Variants in CHPF observed in about 807,000 individuals in gnomAD.
CHPF encodes chondroitin polymerizing factor, non-catalytic subunit.
In CHPF, 34 loss-of-function variants were observed where a neutral mutation model predicts 55.1. The ratio of observed to expected loss-of-function variants is 0.62; its 90% CI spans 0.47 to 0.82. The LOEUF (loss-of-function observed/expected upper bound fraction) is 0.82, where lower values mean the gene tolerates loss of function less well. Ranked by LOEUF, CHPF falls within the 40% of genes least tolerant of loss-of-function variation. The probability of loss-of-function intolerance (pLI) is 0.00; values close to 1 mark genes in which losing one functional copy is unlikely to be tolerated. For missense variants in CHPF, 961 were observed against 1,106.1 expected (o/e 0.87, Z 1.86); for synonymous variants, 489 against 496.6 (o/e 0.98, Z 0.20).
chr2:219,539,608 C>T lies in CHPF; in HGVS notation c.2103G>A (p.Leu701=). The change falls in exon 4 of 4, where the codon CTG becomes CTA. Residue 701 remains leucine (L), a synonymous_variant. Coordinates refer to ENST00000243776, the MANE Select transcript of CHPF (RefSeq NM_024536.6). ...GCTCGTACACATCCAGGCTCTCCAG[C>T]AGCTCCTCTTCTTGTTCTGAGGCTG... The part of the protein sequence containing the change: ...LAAASEQEEE[L]LESLDVYELF... 6.2e-7 allele frequency: 1 copy of T among 1,613,940 alleles called. No homozygotes were observed.
intron 1 of CHPF, among the ~76,000 whole-genome samples, chr2:219,542,535 A>C (rs1272864915): frequency 6.6e-6 from 1 of 152,234 alleles, no homozygotes; most frequent in Non-Finnish European, 1.5e-5. Context: ...TAAAGCACCC[A>C]GCCAAACGCT....
Position 219,539,441 on chromosome 2 carries a change from C to T in CHPF, c.2270G>A (p.Gly757Asp). 1 of 1,612,300 alleles carries T rather than the reference C, an allele frequency of 6.2e-7. No homozygotes were observed. Among genetic ancestry groups the T allele is most frequent in the East Asian group, 2.2e-5 (1 of 44,826 alleles). ...RCLQSVLEGLGSRTQLAMLLF... is the reference protein window; with the variant it reads ...RCLQSVLEGLDSRTQLAMLLF... ...TAGCATGGCCAGCTGGGTTCGGGAG[C>T]CGAGGCCCTCAAGCACGCTCTGGAG... Residue 757 changes from glycine (G) to aspartate (D), a missense_variant, in exon 4 of 4, where the codon GGC (glycine) becomes GAC (aspartate). Around this residue, in one of 3 missense-constraint regions of CHPF, gnomAD observed 936 missense variants for 1,058.4 expected, o/e 0.88. Coordinates refer to ENST00000243776, the MANE Select transcript of CHPF (RefSeq NM_024536.6).
In CHPF at chr2:219,539,770, G is replaced by A. The variant is rs780460215; in HGVS notation, c.1941C>T (p.Phe647=). ...CTTGTGGTGGGGCCACAGCTGGGTG[G>A]AAGGCTTGGAAATGCATGGGAAAGA... The part of the protein sequence containing the change: ...QAFFPMHFQA[F]HPAVAPPQGP... The change falls in exon 4 of 4, where the codon TTC becomes TTT. Residue 647 remains phenylalanine, a synonymous_variant. Coordinates refer to ENST00000243776, the MANE Select transcript of CHPF (RefSeq NM_024536.6). 9.3e-6 allele frequency: 15 copies of A among 1,613,384 alleles called. No homozygotes were observed. The Admixed American group carries it at 1.2e-4, about 13-fold the overall frequency.
intron 1 of CHPF, among the ~76,000 whole-genome samples, chr2:219,542,543 G>A (rs1307647685): frequency 6.6e-6 from 1 of 152,174 alleles, no homozygotes; most frequent in Non-Finnish European, 1.5e-5. Flanking sequence ...CCAGCCAAAC[G>A]CTGGACACAC....
intron 3 of CHPF, 55 bp downstream of exon 3, chr2:219,540,889 CTG>C (rs751446539): frequency 2.6e-5 from 42 of 1,586,730 alleles, no homozygotes; most frequent in Non-Finnish European, 3.4e-6. Flanking sequence ...TCTGGGCTCT[CTG>C]TGACTTCTCA....
chr2:219,542,905 A>G (rs1695307812), intron 1 of CHPF: 1 of 1,153,540 alleles, frequency 8.7e-7, no homozygotes, highest in Non-Finnish European at 1.1e-6. Context: ...CTGTCTCTAT[A>G]CACTCACCCT....
In CHPF at chr2:219,540,649, C is replaced by T; in HGVS notation, c.1069-7G>A. On this transcript the variant is annotated splice_polypyrimidine_tract_variant and splice_region_variant and intron_variant, in intron 3 of 3. Coordinates refer to ENST00000243776, the MANE Select transcript of CHPF (RefSeq NM_024536.6). ...TGGTATTCTGGATCTCCCACTGGATCAGAGAAACAGGCCATCAGCAAGGGA... is the reference window on the plus strand; with the variant it reads ...TGGTATTCTGGATCTCCCACTGGATTAGAGAAACAGGCCATCAGCAAGGGA... 6.3e-7 allele frequency: 1 copy of T among 1,581,936 alleles called. No homozygotes were observed. The highest frequency in any genetic ancestry group is 8.6e-7 in the Non-Finnish European group (1 of 1,165,134).
chr2:219,543,645 C>A lies in CHPF; in HGVS notation c.-107G>T. 1 of 861,660 alleles carries A rather than the reference C, an allele frequency of 1.2e-6. No individual in the cohort carries two copies. The highest frequency in any genetic ancestry group is 1.6e-6 in the Non-Finnish European group (1 of 636,218). The allele number at this position is 861,660 out of a possible 1,614,324, so 53.4% of individuals were successfully genotyped here. A position where few individuals can be genotyped will look rare whatever the true frequency, so the allele number is the denominator to read the frequency against. On this transcript the variant is annotated 5_prime_UTR_variant, in exon 1 of 4. Coordinates refer to ENST00000243776, the MANE Select transcript of CHPF (RefSeq NM_024536.6). ...GGGCGGATCCGGAGGGCTCGGGCCC[C>A]GCGGGCGGGCCCGCTCCCTCCCCGC...
chr2:219,542,571 C>T (rs1303725052), intron 1 of CHPF, among the ~76,000 whole-genome samples: 1 of 152,168 alleles, frequency 6.6e-6, no homozygotes, highest in Non-Finnish European at 1.5e-5. Flanking sequence ...CTACTCATTT[C>T]TATATAAATA....
intron 1 of CHPF, among the ~76,000 whole-genome samples, 185 bp from the exon 2 acceptor site, chr2:219,542,374 G>A (rs1458337551): frequency 6.6e-6 from 1 of 152,160 alleles, no homozygotes; most frequent in African/African-American, 2.4e-5. Context: ...TCTTAAACAG[G>A]TAGTGCTTTG....
rs781445929 is a variant in CHPF, at chr2:219,540,391, G to A, written c.1320C>T (p.Ala440=). 7 of 1,614,092 alleles carry A rather than the reference G, an allele frequency of 4.3e-6. No homozygotes were observed. Among genetic ancestry groups the A allele is most frequent in the Non-Finnish European group, 5.1e-6 (6 of 1,180,008 alleles). Residue 440 remains alanine, a synonymous_variant, in exon 4 of 4, where the codon GCC becomes GCT. Transcript: ENST00000243776. ...CCAGCTGCTGCTTCTGGAGCCGCAAGGCCGGGTGGTAGCGGCGGTTCAGCT... is the reference window on the plus strand; with the variant it reads ...CCAGCTGCTGCTTCTGGAGCCGCAAAGCCGGGTGGTAGCGGCGGTTCAGCT... ...LEELNRRYHP[A]LRLQKQQLVN...
At chr2:219,543,144 G>A in intron 1 of CHPF, 81 bp downstream of exon 1, 3 of 1,373,518 alleles carry the variant, frequency 2.2e-6, no homozygotes, top group African/African-American at 1.5e-5. Context: ...TCCTTCCGGA[G>A]CCTGACCCGG....
Position 219,541,791 on chromosome 2 carries a change from G to C in CHPF, c.713C>G (p.Thr238Ser), listed in dbSNP as rs764887330. 6.2e-7 allele frequency: 1 copy of C among 1,607,216 alleles called. No homozygotes were observed. Among genetic ancestry groups the C allele is most frequent in the Non-Finnish European group, 8.5e-7 (1 of 1,176,650 alleles). Reference sequence around the variant, plus strand: ...GCCTCCGTGGCAGTAGCGGCCGGGGGTGGGCTCTCCGCCGATGAAGTCCTG... The same window carrying C: ...GCCTCCGTGGCAGTAGCGGCCGGGGCTGGGCTCTCCGCCGATGAAGTCCTG... Reference protein sequence around the residue: ...RPQDFIGGEPTPGRYCHGGFG... With the variant: ...RPQDFIGGEPSPGRYCHGGFG... Residue 238 changes from threonine (T) to serine (S), a missense_variant, in exon 2 of 4, where the codon ACC (threonine) becomes AGC (serine). Transcript: ENST00000243776.
chr2:219,543,733 T>C lies in CHPF; in HGVS notation c.-195A>G, dbSNP rs1016894891. The C allele has an allele frequency of 6.9e-6, 3 of 432,364 alleles. No individual in the cohort carries two copies. Among genetic ancestry groups the C allele is most frequent in the African/African-American group, 4.2e-5 (2 of 48,154 alleles). The allele number at this position is 432,364 out of a possible 1,614,324, so 26.8% of individuals were successfully genotyped here. A position where few individuals can be genotyped will look rare whatever the true frequency, so the allele number is the denominator to read the frequency against. Reference sequence around the variant, plus strand: ...CGCGCCTCGATTCCCCTCCAGCAGCTGCTCTGGGCTGCGCAGGGTTCTTGC... The same window carrying C: ...CGCGCCTCGATTCCCCTCCAGCAGCCGCTCTGGGCTGCGCAGGGTTCTTGC... On this transcript the variant is annotated 5_prime_UTR_variant, in exon 1 of 4. Coordinates refer to ENST00000243776, the MANE Select transcript of CHPF (RefSeq NM_024536.6).
In CHPF at chr2:219,540,265, A is replaced by G. The variant is rs764743400; in HGVS notation, c.1446T>C (p.Thr482=). 1.9e-6 allele frequency: 3 copies of G among 1,613,778 alleles called. No homozygotes were observed. The highest frequency in any genetic ancestry group is 1.3e-5 in the African/African-American group (1 of 75,050). The change falls in exon 4 of 4, where the codon ACT becomes ACC. Residue 482 remains threonine (T), a synonymous_variant. Transcript: ENST00000243776. ...LTPQGGRRPL[T]RRVQLLRPLS... ...GCGGCCGGAGCAGCTGCACTCGGCG[A>G]GTGAGGGGCCGGCGGCCTCCCTGGG...
rs767390412 is a variant in CHPF at position 219,541,795 on chromosome 2, GCT to G, written c.707_708del (p.Glu236AlafsTer40). On this transcript the variant is annotated frameshift_variant, in exon 2 of 4. Coordinates refer to ENST00000243776, the MANE Select transcript of CHPF (RefSeq NM_024536.6). LOFTEE classifies it high-confidence loss of function. ...LGRPQDFIGG[E>X]PTPGRYCHGG... ...CCGTGGCAGTAGCGGCCGGGGGTGG[GCT>G]CTCCGCCGATGAAGTCCTGGGGCCG... 3.1e-6 allele frequency: 5 copies of G among 1,605,974 alleles called. No individual in the cohort carries two copies. The highest frequency in any genetic ancestry group is 4.3e-6 in the Non-Finnish European group (5 of 1,175,938).
chr2:219,542,315 T>C lies in CHPF; in HGVS notation c.315-126A>G, dbSNP rs1695293741. On this transcript the variant is annotated intron_variant, in intron 1 of 3. Coordinates refer to ENST00000243776, the MANE Select transcript of CHPF (RefSeq NM_024536.6). ...TCTGTTCTCTCACCTATGAATAGGT[T>C]AAAAATAAACCCTCTCTCCCAGGGG... The C allele has an allele frequency of 1.1e-5, 8 of 702,160 alleles. No homozygotes were observed. In the South Asian group the frequency reaches 1.7e-4, roughly 15 times the overall value. The allele number at this position is 702,160 out of a possible 1,614,324, so 43.5% of individuals were successfully genotyped here.
Position 219,539,716 on chromosome 2 carries a change from GTC to G in CHPF, c.1993_1994del (p.Asp665HisfsTer5). ...QGPGPPELGR[D>X]TGRFDRQAAS... ...CTGCCTGGCGATCAAAGCGGCCAGT[GTC>G]ACGGCCCAGCTCTGGGGGCCCAGGC... On this transcript the variant is annotated frameshift_variant, in exon 4 of 4. Coordinates refer to ENST00000243776, the MANE Select transcript of CHPF (RefSeq NM_024536.6). LOFTEE classifies it high-confidence loss of function. 6.2e-7 allele frequency: 1 copy of G among 1,613,418 alleles called. No individual in the cohort carries two copies.
chr2:219,540,527 T>G lies in CHPF; in HGVS notation c.1184A>C (p.Asp395Ala). Residue 395 changes from aspartate to alanine, a missense_variant, in exon 4 of 4, where the codon GAC (aspartate) becomes GCC (alanine). Around this residue, in one of 3 missense-constraint regions of CHPF, gnomAD observed 936 missense variants for 1,058.4 expected, o/e 0.88. Coordinates refer to ENST00000243776, the MANE Select transcript of CHPF (RefSeq NM_024536.6). ...GAAAGCGTGCTGCTCCGTGAAGTAGTCCCAGCGCAGCACCTCAAAGCGGGA... is the reference window on the plus strand; with the variant it reads ...GAAAGCGTGCTGCTCCGTGAAGTAGGCCCAGCGCAGCACCTCAAAGCGGGA... The part of the protein sequence containing the change: ...PASRFEVLRW[D>A]YFTEQHAFSC... The G allele has an allele frequency of 6.2e-7, 1 of 1,613,984 alleles. No homozygotes were observed. Among genetic ancestry groups the G allele is most frequent in the Non-Finnish European group, 8.5e-7 (1 of 1,180,000 alleles).
Sources: gnomAD v4.1 joint callset for allele counts (sites outside exome capture counted in the v4.1 genomes callset) on GRCh38, gnomAD v4.1.1 for gene constraint, gnomAD v4.1.1 regional missense constraint, MANE v1.5 for transcripts, NCBI Gene and HGNC (gene_info 2026-07-23, HGNC 2026-07-21) for gene names.